ATP6V0A4: variants seen among roughly 807,000 people sequenced by gnomAD.
The protein encoded by ATP6V0A4 is V-type proton ATPase 116 kDa subunit a 4.
Under a neutral mutation model 107.3 loss-of-function variants are expected in ATP6V0A4, and 86 were observed. That is an observed-to-expected ratio of 0.80 (90% CI 0.67 to 0.96). The LOEUF is 0.96. Among genes scored for constraint, ATP6V0A4 ranks in the 40% least tolerant of loss-of-function variants. The probability of loss-of-function intolerance (pLI) is 0.00; values close to 1 mark genes in which losing one functional copy is unlikely to be tolerated. For synonymous variants in ATP6V0A4, 353 were observed against 381.4 expected, an observed-to-expected ratio of 0.93 and a Z score of 0.87; for missense variants, 908 against 1,045.6, an observed-to-expected ratio of 0.87 and a Z score of 1.81.
At chr7:138,786,557 T>C in intron 1 of ATP6V0A4, among the ~76,000 whole-genome samples, 1 of 148,982 alleles carries the variant, frequency 6.7e-6, no homozygotes. Context: ...CCAGCCTGGG[T>C]GACAGAGTGA....
At chr7:138,782,780 G>A (rs1237604732) in intron 2 of ATP6V0A4, among the ~76,000 whole-genome samples, 1 of 151,976 alleles carries the variant, frequency 6.6e-6, no homozygotes, top group Non-Finnish European at 1.5e-5. Context: ...AAGAAAAGAT[G>A]GGCATGGAAA....
rs1248826353 is a variant in ATP6V0A4, at chr7:138,773,119, T to C, written c.-17-1855A>G. 2.0e-5 allele frequency among the ~76,000 whole-genome samples: 3 copies of C among 152,168 alleles called. No individual in the cohort carries two copies. The highest frequency in any genetic ancestry group is 2.9e-5 in the Non-Finnish European group (2 of 68,034). ...TATCACGTACAGAGTATCTACTGTG[T>C]GCTCGATACTGGGCCTACCCATTGT... On this transcript the variant is annotated intron_variant, in intron 2 of 21. Coordinates refer to ENST00000310018, the MANE Select transcript of ATP6V0A4 (RefSeq NM_020632.3). This position sits in a 1 kb window ranked among gnomAD's most constrained non-coding sequence, Gnocchi z 5.4.
chr7:138,756,645 C>T (rs1298793995), intron 8 of ATP6V0A4, 105 bp from the exon 9 acceptor site: 40 of 1,417,768 alleles, frequency 2.8e-5, no homozygotes, highest in African/African-American at 4.4e-5. Flanking sequence ...ACAATTCATA[C>T]ATTTAAAACT....
chr7:138,785,724 C>T (rs1317864368), intron 2 of ATP6V0A4, among the ~76,000 whole-genome samples: 2 of 152,078 alleles, frequency 1.3e-5, no homozygotes, highest in Non-Finnish European at 2.9e-5. Context: ...TCAACTTCCT[C>T]CATTGTATGC....
At chr7:138,757,907 C>G (rs1216778449) in intron 8 of ATP6V0A4, among the ~76,000 whole-genome samples, 2 of 152,168 alleles carry the variant, frequency 1.3e-5, no homozygotes, top group African/African-American at 2.4e-5. Context: ...CTTACGGGAG[C>G]AAGTGGCGGT....
intron 2 of ATP6V0A4, among the ~76,000 whole-genome samples, chr7:138,782,325 T>G (rs1807962896): frequency 6.6e-6 from 1 of 152,156 alleles, no homozygotes; most frequent in Non-Finnish European, 1.5e-5. Context: ...TGTGTCCAAA[T>G]CCCTTTTTAT....
chr7:138,743,338 G>A (rs568644245), intron 14 of ATP6V0A4, among the ~76,000 whole-genome samples: 19 of 151,654 alleles, frequency 1.3e-4, no homozygotes, highest in Admixed American at 1.2e-3. Flanking sequence ...TGTGCCTGTA[G>A]TCCCAGCTAC....
chr7:138,775,303 C>T (rs1220804077), intron 2 of ATP6V0A4, among the ~76,000 whole-genome samples: 6 of 152,106 alleles, frequency 3.9e-5, no homozygotes, highest in Non-Finnish European at 7.4e-5. Context: ...AAGCAAATCC[C>T]ATACATCATA....
chr7:138,796,413 A>T (rs890427272), intron 1 of ATP6V0A4, among the ~76,000 whole-genome samples: 1 of 152,116 alleles, frequency 6.6e-6, no homozygotes, highest in Non-Finnish European at 1.5e-5. Context: ...CTGGGCTGTT[A>T]CACTCCACTA....
Position 138,769,075 on chromosome 7 carries a change from A to G in ATP6V0A4, c.196+98T>C. Reference sequence around the variant, plus strand: ...CTGGGACCACCTCAAAAAGTATTGCAAATAGGGACACATTTGTTCATTAAG... The same window carrying G: ...CTGGGACCACCTCAAAAAGTATTGCGAATAGGGACACATTTGTTCATTAAG... On this transcript the variant is annotated intron_variant, in intron 4 of 21. Coordinates refer to ENST00000310018, the MANE Select transcript of ATP6V0A4 (RefSeq NM_020632.3). The G allele has an allele frequency of 4.4e-6, 7 of 1,592,560 alleles. 1 individual carries two copies. In the South Asian group the frequency reaches 5.6e-5, roughly 13 times the overall value.
At chr7:138,720,195 G>C (rs1338100489) in intron 19 of ATP6V0A4, among the ~76,000 whole-genome samples, 1 of 152,160 alleles carries the variant, frequency 6.6e-6, no homozygotes, top group Non-Finnish European at 1.5e-5. Flanking sequence ...GGGCAGATGT[G>C]ACAGTCAAGG....
intron 1 of ATP6V0A4, among the ~76,000 whole-genome samples, chr7:138,797,203 ATTTTC>A (rs1808715228): frequency 9.5e-6 from 1 of 105,726 alleles, no homozygotes; most frequent in East Asian, 2.5e-4. Context: ...GCCAAATGCC[ATTTTC>A]TTTTTTTTTT....
rs750402080 is a variant in ATP6V0A4, at chr7:138,752,829, T to C, written c.825A>G (p.Thr275=). The C allele has an allele frequency of 6.2e-7, 1 of 1,613,948 alleles. No individual in the cohort carries two copies. The part of the protein sequence containing the change: ...VRLEDLITVI[T]QTESHRQRLL... ...GGCGCTGGCGGTGAGACTCTGTTTG[T>C]GTTATGACCTATACAAAAAACAACA... Residue 275 remains threonine, a synonymous_variant, in exon 11 of 22, where the codon ACA becomes ACG. Transcript: ENST00000310018.
intron 2 of ATP6V0A4, chr7:138,779,985 A>T (rs1458663869): frequency 6.6e-6 from 1 of 152,150 alleles, no homozygotes; most frequent in Non-Finnish European, 1.5e-5. Flanking sequence ...TACCTGTTCT[A>T]TGTTCCCTTT....
intron 1 of ATP6V0A4, among the ~76,000 whole-genome samples, chr7:138,795,251 G>A (rs1190320131): frequency 6.6e-6 from 1 of 152,130 alleles, no homozygotes; most frequent in Non-Finnish European, 1.5e-5. Context: ...GTAGATAGGA[G>A]AATGTTTGTC....
chr7:138,740,098 G>GAAA (rs71520026), intron 14 of ATP6V0A4, among the ~76,000 whole-genome samples: 1 of 133,444 alleles, frequency 7.5e-6, no homozygotes, highest in African/African-American at 2.8e-5. Flanking sequence ...CTGTTGAAAG[G>GAAA]AAAAAAAAAA....
intron 18 of ATP6V0A4, among the ~76,000 whole-genome samples, chr7:138,726,113 C>T (rs1248927659): frequency 6.6e-6 from 1 of 152,072 alleles, no homozygotes; most frequent in African/African-American, 2.4e-5. Context: ...CCTCAGCCTC[C>T]CGAGTAGCTG....
intron 11 of ATP6V0A4, among the ~76,000 whole-genome samples, chr7:138,750,095 G>A (rs940609378): frequency 6.6e-6 from 1 of 151,996 alleles, no homozygotes. Flanking sequence ...GCTGCCTATC[G>A]CCTAAAGAAT....
intron 1 of ATP6V0A4, among the ~76,000 whole-genome samples, chr7:138,792,051 G>A (rs1271859421): frequency 6.6e-6 from 1 of 152,188 alleles, no homozygotes; most frequent in Non-Finnish European, 1.5e-5. Flanking sequence ...GCTCACGCCT[G>A]TAATCCCAGC....
Sources: allele counts gnomAD v4.1 joint callset (sites outside exome capture counted in the v4.1 genomes callset), GRCh38; gene constraint gnomAD v4.1.1; non-coding constraint Gnocchi (gnomAD v3.1); transcripts MANE v1.5; gene names NCBI Gene and HGNC (gene_info 2026-07-23, HGNC 2026-07-21).